The following LDB2 variants were observed in gnomAD, a reference collection of about 807,000 sequenced individuals.
The protein encoded by LDB2 is LIM domain binding 2, also known as LIM domain-binding protein 2.
LDB2 carries 12 observed loss-of-function variants against 44.3 expected under a neutral mutation model. The observed-to-expected ratio is 0.27, with a 90% CI of 0.17 to 0.44. The LOEUF (loss-of-function observed/expected upper bound fraction) is 0.44, where lower values mean the gene tolerates loss of function less well. LDB2 is among the 20% of genes least tolerant of loss of function. LDB2 has a pLI of 1.00. For missense variants in LDB2, 344 were observed against 473.5 expected, an observed-to-expected ratio of 0.73 and a Z score of 2.54; for synonymous variants, 164 against 174.8, an observed-to-expected ratio of 0.94 and a Z score of 0.49.
intron 1 of LDB2, among the ~76,000 whole-genome samples, chr4:16,811,384 C>T (rs1348557080): frequency 6.6e-6 from 1 of 152,198 alleles, no homozygotes; most frequent in African/African-American, 2.4e-5. Flanking sequence ...AGGATTCTTA[C>T]ACTGGATAGA....
chr4:16,851,290 G>A (rs1192034309), intron 1 of LDB2, among the ~76,000 whole-genome samples: 2 of 152,054 alleles, frequency 1.3e-5, no homozygotes, highest in African/African-American at 4.8e-5. Flanking sequence ...AGGAAGGAGA[G>A]AATGCAAAGG....
At chr4:16,543,612 T>C (rs1734666707) in intron 5 of LDB2, among the ~76,000 whole-genome samples, 1 of 152,192 alleles carries the variant, frequency 6.6e-6, no homozygotes, top group Admixed American at 6.5e-5. Flanking sequence ...GAAAAATTAA[T>C]TCAAGATGGA....
chr4:16,712,222 A>C (rs1040473205), intron 2 of LDB2, among the ~76,000 whole-genome samples: 5 of 152,206 alleles, frequency 3.3e-5, no homozygotes, highest in Non-Finnish European at 7.3e-5. Flanking sequence ...AATAAAAGGC[A>C]ACTCAATTTA....
At chr4:16,516,009 G>A (rs1344395973) in intron 5 of LDB2, among the ~76,000 whole-genome samples, 3 of 151,862 alleles carry the variant, frequency 2.0e-5, no homozygotes, top group South Asian at 2.1e-4. Flanking sequence ...GACTACAGGC[G>A]CCCGCCACCA....
chr4:16,601,889 A>C (rs989059631), intron 2 of LDB2, among the ~76,000 whole-genome samples: 2 of 152,184 alleles, frequency 1.3e-5, no homozygotes, highest in Non-Finnish European at 2.9e-5. Context: ...ATTTATGGTA[A>C]ATAACCATTA....
chr4:16,747,277 C>T (rs551961178), intron 2 of LDB2, among the ~76,000 whole-genome samples: 1 of 152,096 alleles, frequency 6.6e-6, no homozygotes, highest in Admixed American at 6.5e-5. Context: ...ATTTTGGGCC[C>T]ATCTTTTAAA....
chr4:16,596,609 T>C (rs1225155009), intron 2 of LDB2, among the ~76,000 whole-genome samples: 1 of 152,198 alleles, frequency 6.6e-6, no homozygotes, highest in East Asian at 1.9e-4. Flanking sequence ...TACAAAGAGA[T>C]CCATAACTAT....
chr4:16,614,580 C>CAAAAAAAAAAAAAAAA (rs1164613202), intron 2 of LDB2, among the ~76,000 whole-genome samples: 14 of 53,678 alleles, frequency 2.6e-4, no homozygotes, highest in African/African-American at 3.2e-4. Context: ...CAAGAAAAAA[C>CAAAAAAAAAAAAAAAA]AAAAAAAAAA....
At chr4:16,600,527 G>T (rs1038247286) in intron 2 of LDB2, among the ~76,000 whole-genome samples, 1 of 152,094 alleles carries the variant, frequency 6.6e-6, no homozygotes, top group Non-Finnish European at 1.5e-5. Context: ...AAAGATAAAA[G>T]AAAATCACAC....
intron 1 of LDB2, among the ~76,000 whole-genome samples, chr4:16,798,436 G>C (rs536173280): frequency 5.9e-5 from 9 of 152,200 alleles, no homozygotes; most frequent in Non-Finnish European, 1.3e-4. Flanking sequence ...ATCCAGGAGA[G>C]AGAAGACTTT....
intron 1 of LDB2, among the ~76,000 whole-genome samples, chr4:16,825,043 G>T (rs1782795543): frequency 6.6e-6 from 1 of 152,230 alleles, no homozygotes; most frequent in Non-Finnish European, 1.5e-5. Context: ...AGTGGTAGCT[G>T]AGATACTGCC....
intron 2 of LDB2, among the ~76,000 whole-genome samples, chr4:16,610,988 G>T (rs918708259): frequency 6.6e-6 from 1 of 152,140 alleles, no homozygotes; most frequent in South Asian, 2.1e-4. Flanking sequence ...ACCTACAAAG[G>T]GAAGCCCATC....
At chr4:16,780,912 AG>A (rs1372594192) in intron 1 of LDB2, among the ~76,000 whole-genome samples, 19 of 152,182 alleles carry the variant, frequency 1.2e-4, no homozygotes, top group Admixed American at 9.8e-4. Context: ...AATAAAGTTT[AG>A]GGCTTAGACT....
intron 1 of LDB2, among the ~76,000 whole-genome samples, chr4:16,881,961 C>T (rs1188328743): frequency 6.6e-6 from 1 of 152,170 alleles, no homozygotes; most frequent in Non-Finnish European, 1.5e-5. Context: ...GTTAACAGTG[C>T]CTTCAATTAA....
intron 1 of LDB2, among the ~76,000 whole-genome samples, chr4:16,815,424 C>A (rs73799282): frequency 3.3e-5 from 5 of 152,204 alleles, no homozygotes; most frequent in African/African-American, 1.2e-4. Context: ...GTCTTAATTA[C>A]CCCTGAGTTT....
At chr4:16,844,421 T>C (rs1312172818) in intron 1 of LDB2, among the ~76,000 whole-genome samples, 1 of 151,982 alleles carries the variant, frequency 6.6e-6, no homozygotes, top group Non-Finnish European at 1.5e-5. Flanking sequence ...ATTTCTGCAG[T>C]TGCACATCTG....
intron 1 of LDB2, among the ~76,000 whole-genome samples, chr4:16,851,563 C>T (rs998563852): frequency 4.0e-5 from 6 of 150,140 alleles, no homozygotes; most frequent in Non-Finnish European, 7.4e-5. Flanking sequence ...CACTGCACTC[C>T]AGTCTGGGTG....
intron 2 of LDB2, among the ~76,000 whole-genome samples, chr4:16,621,503 C>T (rs1200587624): frequency 6.6e-6 from 1 of 152,134 alleles, no homozygotes; most frequent in African/African-American, 2.4e-5. Context: ...TTTGGGGTCT[C>T]CCAAAAATTA....
chr4:16,721,102 C>T (rs182740754), intron 2 of LDB2, among the ~76,000 whole-genome samples: 1 of 152,166 alleles, frequency 6.6e-6, no homozygotes, highest in Non-Finnish European at 1.5e-5. Context: ...TAATCTCCAT[C>T]ATATTTTTAA....
Sources: gnomAD v4.1 joint callset for allele counts (sites outside exome capture counted in the v4.1 genomes callset) on GRCh38, gnomAD v4.1.1 for gene constraint, MANE v1.5 for transcripts, NCBI Gene and HGNC (gene_info 2026-07-23, HGNC 2026-07-21) for gene names.